Variants in CDH4 observed in about 807,000 individuals in gnomAD.
CDH4 encodes cadherin 4, also known as cadherin-4.
In CDH4, 33 loss-of-function variants were observed where a neutral mutation model predicts 86.0. That is an observed-to-expected ratio of 0.38 (90% CI 0.29 to 0.51). The LOEUF is 0.51. Among genes scored for constraint, CDH4 ranks in the 20% least tolerant of loss-of-function variants. The probability of loss-of-function intolerance (pLI) is 0.86; values close to 1 mark genes in which losing one functional copy is unlikely to be tolerated. For synonymous variants in CDH4, 555 were observed against 549.4 expected (o/e 1.01, Z -0.14); for missense variants, 1,114 against 1,307.4 (o/e 0.85, Z 2.28).
intron 2 of CDH4, among the ~76,000 whole-genome samples, chr20:61,589,212 A>G (rs1013963542): frequency 1.3e-5 from 2 of 152,214 alleles, no homozygotes; most frequent in South Asian, 4.1e-4. Flanking sequence ...GGCTTCCCAG[A>G]GTGATGAATG....
intron 2 of CDH4, among the ~76,000 whole-genome samples, chr20:61,472,490 C>T (rs1011656049): frequency 3.9e-5 from 6 of 151,996 alleles, no homozygotes; most frequent in African/African-American, 1.2e-4. Flanking sequence ...AGGTGATTTC[C>T]TCTGATGATA....
intron 2 of CDH4, among the ~76,000 whole-genome samples, chr20:61,705,892 A>G (rs2087824178): frequency 6.6e-6 from 1 of 152,204 alleles, no homozygotes. Flanking sequence ...CAAATACCCC[A>G]GTTGTGTCAA....
At chr20:61,504,496 CA>C (rs2085726567) in intron 2 of CDH4, among the ~76,000 whole-genome samples, 4 of 152,024 alleles carry the variant, frequency 2.6e-5, no homozygotes, top group Admixed American at 2.6e-4. Context: ...CAACGGGGGG[CA>C]GGGGGTGGCT....
At chr20:61,328,238 C>T (rs188106591) in intron 2 of CDH4, among the ~76,000 whole-genome samples, 2 of 152,198 alleles carry the variant, frequency 1.3e-5, no homozygotes, top group East Asian at 3.9e-4. Flanking sequence ...TGCAGTGGTG[C>T]AATCTCGGCT....
Position 61,544,806 on chromosome 20 carries a change from C to T in CDH4, c.170-198757C>T, listed in dbSNP as rs752765430. On this transcript the variant is annotated intron_variant, in intron 2 of 15. Transcript: ENST00000614565. This position sits in a 1 kb window ranked among gnomAD's most constrained non-coding sequence, Gnocchi z 6.5. ...ACTCCCCCGACAGCCCTCCCTGCCC[C>T]CGAGGAAGGAACCTTGTTCCTCGGT... 6.6e-6 allele frequency among the ~76,000 whole-genome samples: 1 copy of T among 152,120 alleles called. No homozygotes were observed. Among genetic ancestry groups the T allele is most frequent in the South Asian group, 2.1e-4 (1 of 4,814 alleles).
intron 2 of CDH4, among the ~76,000 whole-genome samples, chr20:61,446,507 A>G (rs865986152): frequency 6.6e-6 from 1 of 152,184 alleles, no homozygotes; most frequent in African/African-American, 2.4e-5. Context: ...TCATAGCTGC[A>G]TAAACATTCC....
intron 2 of CDH4, among the ~76,000 whole-genome samples, chr20:61,409,141 T>A (rs554239142): frequency 6.6e-6 from 1 of 152,314 alleles, no homozygotes; most frequent in South Asian, 2.1e-4. Context: ...CTCCATCACG[T>A]GGTGGGGACA....
intron 2 of CDH4, among the ~76,000 whole-genome samples, chr20:61,328,207 G>T (rs1329256720): frequency 6.6e-6 from 1 of 151,444 alleles, no homozygotes; most frequent in Non-Finnish European, 1.5e-5. Context: ...ATGAAGTCTC[G>T]CTCTGTCACC....
At chr20:61,752,392 A>C (rs1032456698) in intron 3 of CDH4, among the ~76,000 whole-genome samples, 1 of 152,110 alleles carries the variant, frequency 6.6e-6, no homozygotes, top group Non-Finnish European at 1.5e-5. Flanking sequence ...AAATGAGACA[A>C]TAAGGCAGAG....
intron 2 of CDH4, among the ~76,000 whole-genome samples, chr20:61,558,018 A>G (rs745493167): frequency 6.6e-6 from 1 of 152,148 alleles, no homozygotes; most frequent in African/African-American, 2.4e-5. Context: ...GCCAGTTGGA[A>G]TGAGAACAGT....
At chr20:61,732,648 C>G (rs928030693) in intron 2 of CDH4, among the ~76,000 whole-genome samples, 17 of 152,228 alleles carry the variant, frequency 1.1e-4, no homozygotes, top group Admixed American at 1.0e-3. Context: ...TAACACTACC[C>G]CTACCTAGCC....
intron 6 of CDH4, among the ~76,000 whole-genome samples, chr20:61,858,442 TC>T: frequency 6.6e-6 from 1 of 152,020 alleles, no homozygotes; most frequent in South Asian, 2.1e-4. Flanking sequence ...TCTATGTGTG[TC>T]TCTGTGTCTG....
At chr20:61,427,216 G>T (rs1422490479) in intron 2 of CDH4, among the ~76,000 whole-genome samples, 1 of 152,212 alleles carries the variant, frequency 6.6e-6, no homozygotes, top group Non-Finnish European at 1.5e-5. Flanking sequence ...TTGCAGAGAG[G>T]ACCTGTGCCC....
intron 2 of CDH4, among the ~76,000 whole-genome samples, chr20:61,545,414 G>A (rs2086070670): frequency 6.6e-6 from 1 of 152,236 alleles, no homozygotes; most frequent in African/African-American, 2.4e-5. Context: ...TTCAGGTCAT[G>A]GCGATCAGTC....
chr20:61,360,961 G>A (rs28719678), intron 2 of CDH4, among the ~76,000 whole-genome samples: 10 of 151,800 alleles, frequency 6.6e-5, no homozygotes, highest in East Asian at 1.9e-4. Context: ...GCAGGAGGAG[G>A]GTGGGTGGGA....
chr20:61,614,204 G>C (rs1568713686), intron 2 of CDH4, among the ~76,000 whole-genome samples: 1 of 152,088 alleles, frequency 6.6e-6, no homozygotes, highest in Non-Finnish European at 1.5e-5. Context: ...GACAGGGCTG[G>C]TCACCAGAAA....
At chr20:61,579,277 C>T (rs978563464) in intron 2 of CDH4, among the ~76,000 whole-genome samples, 3 of 143,320 alleles carry the variant, frequency 2.1e-5, no homozygotes, top group Non-Finnish European at 4.5e-5. Context: ...AAATCTCCCT[C>T]GATGGAGATT....
Position 61,940,070 on chromosome 20 carries a change from T to TTCTG in CDH4, c.*3130_*3133dup, listed in dbSNP as rs1434256372. 1.3e-5 allele frequency: 2 copies of TTCTG among 152,174 alleles called. No homozygotes were observed. Among genetic ancestry groups the TTCTG allele is most frequent in the Non-Finnish European group, 2.9e-5 (2 of 68,052 alleles). The allele number at this position is 152,174 out of a possible 1,614,324, so 9.4% of individuals were successfully genotyped here. ...AAGCTGGGCGAGGGGTAGTCTCAAT[T>TTCTG]TCTGTCAGTGCTCAAAGGAATAACA... On this transcript the variant is annotated 3_prime_UTR_variant, in exon 16 of 16. Coordinates refer to ENST00000614565, the MANE Select transcript of CDH4 (RefSeq NM_001794.5).
intron 2 of CDH4, among the ~76,000 whole-genome samples, chr20:61,573,911 C>G (rs961048272): frequency 8.5e-5 from 13 of 152,248 alleles, no homozygotes; most frequent in Non-Finnish European, 1.8e-4. Flanking sequence ...GCTCACCTCC[C>G]TGCAGCCCCT....
Sources: gnomAD v4.1 joint callset for allele counts (sites outside exome capture counted in the v4.1 genomes callset) on GRCh38, gnomAD v4.1.1 for gene constraint, Gnocchi (gnomAD v3.1) non-coding constraint, MANE v1.5 for transcripts, NCBI Gene and HGNC (gene_info 2026-07-23, HGNC 2026-07-21) for gene names.